The following MACROD2 variants were observed in gnomAD, a reference collection of about 807,000 sequenced individuals.
The protein encoded by MACROD2 is ADP-ribose glycohydrolase MACROD2.
MACROD2 carries 36 observed loss-of-function variants against 70.4 expected under a neutral mutation model. The observed-to-expected ratio is 0.51, with a 90% CI of 0.39 to 0.68. The LOEUF (loss-of-function observed/expected upper bound fraction) is 0.68. Ranked by LOEUF, MACROD2 falls within the 30% of genes least tolerant of loss-of-function variation. The probability of loss-of-function intolerance (pLI) is 0.00; values close to 1 mark genes in which losing one functional copy is unlikely to be tolerated. For synonymous variants in MACROD2, 172 were observed against 178.8 expected, an observed-to-expected ratio of 0.96 and a Z score of 0.30; for missense variants, 496 against 538.4, an observed-to-expected ratio of 0.92 and a Z score of 0.78.
At chr20:15,111,906 T>C (rs1358873833) in intron 5 of MACROD2, among the ~76,000 whole-genome samples, 1 of 152,198 alleles carries the variant, frequency 6.6e-6, no homozygotes, top group Non-Finnish European at 1.5e-5. Flanking sequence ...ACTCAGCCCC[T>C]GCCTAATGCA....
At position 14,789,282 on chromosome 20, in the gene MACROD2, A is replaced by G. The variant is rs540884376; in HGVS notation, c.418+104323A>G. 2.6e-5 allele frequency among the ~76,000 whole-genome samples: 4 copies of G among 151,976 alleles called. No individual in the cohort carries two copies. The South Asian group carries it at 8.3e-4, about 32-fold the overall frequency. ...GTATGATATGCCTAAACTAAATGGT[A>G]ATAAAACCATCCCTGGTTTTCATTA... On this transcript the variant is annotated intron_variant, in intron 5 of 17. Transcript: ENST00000684519.
At chr20:14,147,580 A>G (rs1312363577) in intron 3 of MACROD2, among the ~76,000 whole-genome samples, 1 of 152,236 alleles carries the variant, frequency 6.6e-6, no homozygotes, top group Non-Finnish European at 1.5e-5. Flanking sequence ...TAGTTTAACA[A>G]TAGTGGGAAG....
intron 5 of MACROD2, among the ~76,000 whole-genome samples, chr20:15,020,283 T>G (rs1366890812): frequency 6.6e-6 from 1 of 152,196 alleles, no homozygotes; most frequent in Non-Finnish European, 1.5e-5. Flanking sequence ...CTGGGATACT[T>G]CTATCTATAC....
chr20:14,805,912 T>G lies in MACROD2; in HGVS notation c.418+120953T>G, dbSNP rs923639452. 3.3e-5 allele frequency among the ~76,000 whole-genome samples: 5 copies of G among 152,084 alleles called. 1 individual carries two copies. The highest frequency in any genetic ancestry group is 7.4e-5 in the Non-Finnish European group (5 of 68,008). On this transcript the variant is annotated intron_variant, in intron 5 of 17. Transcript: ENST00000684519. ...CATAGATAGTCAGATCCTGACCACT[T>G]TCTCTTGTGTGACCTCAGACACATA...
At chr20:14,405,827 G>A (rs1424146228) in intron 3 of MACROD2, among the ~76,000 whole-genome samples, 1 of 151,878 alleles carries the variant, frequency 6.6e-6, no homozygotes, top group Non-Finnish European at 1.5e-5. Context: ...AATATTTTGT[G>A]CAAAAAAGTA....
intron 5 of MACROD2, among the ~76,000 whole-genome samples, chr20:15,075,998 T>C (rs1414623699): frequency 6.6e-6 from 1 of 152,226 alleles, no homozygotes; most frequent in Non-Finnish European, 1.5e-5. Flanking sequence ...ATAAAGGCGA[T>C]ATGTGTTAAC....
At chr20:14,124,564 A>G (rs1208412284) in intron 3 of MACROD2, among the ~76,000 whole-genome samples, 1 of 152,178 alleles carries the variant, frequency 6.6e-6, no homozygotes, top group African/African-American at 2.4e-5. Context: ...AGATGCGTGT[A>G]GGGTATTATA....
chr20:15,537,345 G>A (rs2047890298), intron 8 of MACROD2, among the ~76,000 whole-genome samples: 1 of 151,852 alleles, frequency 6.6e-6, no homozygotes, highest in Admixed American at 6.6e-5. Flanking sequence ...TCTTGGGTAT[G>A]TCTCTATCAG....
chr20:15,049,318 G>A (rs964716856), intron 5 of MACROD2, among the ~76,000 whole-genome samples: 3 of 151,192 alleles, frequency 2.0e-5, no homozygotes, highest in Non-Finnish European at 4.4e-5. Flanking sequence ...AGAAGAGGGA[G>A]GGAGAGGAAG....
At chr20:14,524,446 C>T (rs558873341) in intron 4 of MACROD2, among the ~76,000 whole-genome samples, 1 of 152,274 alleles carries the variant, frequency 6.6e-6, no homozygotes, top group Non-Finnish European at 1.5e-5. Context: ...TCTTGAATAG[C>T]AGCTGACTGG....
At chr20:15,406,134 C>A (rs1212222672) in intron 6 of MACROD2, among the ~76,000 whole-genome samples, 1 of 152,186 alleles carries the variant, frequency 6.6e-6, no homozygotes, top group Non-Finnish European at 1.5e-5. Flanking sequence ...AAGTTGCCAT[C>A]ATTTGATCAT....
chr20:14,756,995 C>T (rs890716403), intron 5 of MACROD2, among the ~76,000 whole-genome samples: 1 of 152,078 alleles, frequency 6.6e-6, no homozygotes, highest in African/African-American at 2.4e-5. Context: ...TGTAAGTTTC[C>T]TGAGGCCTCC....
intron 5 of MACROD2, among the ~76,000 whole-genome samples, chr20:14,925,870 G>T (rs1043846358): frequency 2.6e-5 from 4 of 152,192 alleles, no homozygotes; most frequent in African/African-American, 7.2e-5. Flanking sequence ...TACAGGATAG[G>T]ATTATCAATG....
At chr20:15,573,166 T>G (rs907736027) in intron 8 of MACROD2, among the ~76,000 whole-genome samples, 6 of 152,162 alleles carry the variant, frequency 3.9e-5, no homozygotes, top group Non-Finnish European at 4.4e-5. Context: ...TCATGTTATA[T>G]TTCACTAAGC....
intron 3 of MACROD2, among the ~76,000 whole-genome samples, chr20:14,339,276 G>A (rs1460901981): frequency 6.6e-6 from 1 of 152,126 alleles, no homozygotes; most frequent in Non-Finnish European, 1.5e-5. Flanking sequence ...TTAAATCTAG[G>A]AGTTTTAGAT....
At chr20:15,448,339 G>T (rs2046596828) in intron 7 of MACROD2, among the ~76,000 whole-genome samples, 1 of 152,042 alleles carries the variant, frequency 6.6e-6, no homozygotes, top group African/African-American at 2.4e-5. Context: ...GGTTAATGGT[G>T]GTTAACAAGC....
chr20:14,202,404 A>G (rs977666339), intron 3 of MACROD2, among the ~76,000 whole-genome samples: 8 of 152,328 alleles, frequency 5.3e-5, no homozygotes, highest in African/African-American at 1.9e-4. Context: ...TAGAAGAAAC[A>G]CTTCTGTTTT....
chr20:14,085,117 C>T (rs2054061018), intron 2 of MACROD2, among the ~76,000 whole-genome samples: 1 of 151,146 alleles, frequency 6.6e-6, no homozygotes, highest in East Asian at 1.9e-4. Context: ...GAGCCGAGAT[C>T]ACGCCACTGC....
chr20:14,518,697 A>G (rs1361242775), intron 4 of MACROD2, among the ~76,000 whole-genome samples: 1 of 152,212 alleles, frequency 6.6e-6, no homozygotes, highest in African/African-American at 2.4e-5. Context: ...GTCAAGAAGG[A>G]AAGAGTGGCA....
Sources: allele counts gnomAD v4.1 joint callset (sites outside exome capture counted in the v4.1 genomes callset), GRCh38; gene constraint gnomAD v4.1.1; transcripts MANE v1.5; gene names NCBI Gene and HGNC (gene_info 2026-07-23, HGNC 2026-07-21).